Variants in PHIP observed in about 807,000 individuals in gnomAD.
The protein encoded by PHIP is PH-interacting protein.
In PHIP, 54 loss-of-function variants were observed where a neutral mutation model predicts 236.8. The ratio of observed to expected loss-of-function variants is 0.23; its 90% CI spans 0.18 to 0.29. The LOEUF is 0.29. PHIP is among the 10% of genes least tolerant of loss of function. PHIP has a pLI of 1.00. For synonymous variants in PHIP, 756 were observed against 718.9 expected (o/e 1.05, Z -0.83); for missense variants, 1,370 against 2,190.8 (o/e 0.63, Z 7.48).
At chr6:79,071,954 AAAAAG>A (rs1382340101) in intron 4 of PHIP, among the ~76,000 whole-genome samples, 1 of 151,966 alleles carries the variant, frequency 6.6e-6, no homozygotes. Context: ...TATGAAAAAA[AAAAAG>A]AAAACCAAAA....
rs74878380 is a variant in PHIP, at chr6:79,008,797, C to T, written c.1525-4939G>A. Among the ~76,000 whole-genome samples, 1,339 of 152,230 alleles carry T rather than the reference C, an allele frequency of 8.8e-3. 56 individuals carry two copies. The highest frequency in any genetic ancestry group is 0.07 in the Admixed American group (1,067 of 15,268). On this transcript the variant is annotated intron_variant, in intron 15 of 39. Coordinates refer to ENST00000275034, the MANE Select transcript of PHIP (RefSeq NM_017934.7). Reference sequence around the variant, plus strand: ...GGCCATTTCCACATAGGTAGTTCAACGCAATAAACATTATTACAAATGAAC... The same window carrying T: ...GGCCATTTCCACATAGGTAGTTCAATGCAATAAACATTATTACAAATGAAC...
intron 10 of PHIP, 60 bp from the exon 11 acceptor site, chr6:79,017,643 T>A: frequency 8.0e-7 from 1 of 1,248,702 alleles, no homozygotes; most frequent in Admixed American, 1.8e-5. Context: ...CTCTGAAAAT[T>A]AGATAATAAA....
At chr6:78,984,046 A>G (rs1193736021) in intron 22 of PHIP, among the ~76,000 whole-genome samples, 1 of 152,188 alleles carries the variant, frequency 6.6e-6, no homozygotes, top group African/African-American at 2.4e-5. Context: ...TTAATGATAT[A>G]TGACCTCATG....
chr6:79,054,591 T>A (rs1254617566), intron 6 of PHIP, among the ~76,000 whole-genome samples: 1 of 151,518 alleles, frequency 6.6e-6, no homozygotes, highest in Non-Finnish European at 1.5e-5. Context: ...CCATATATTA[T>A]ATCCTATAAT....
chr6:78,959,172 G>C (rs1453500463), intron 31 of PHIP, among the ~76,000 whole-genome samples: 1 of 151,940 alleles, frequency 6.6e-6, no homozygotes, highest in Non-Finnish European at 1.5e-5. Flanking sequence ...AATAAAATCT[G>C]GAGTTTTACA....
intron 6 of PHIP, 143 bp downstream of exon 6, chr6:79,060,335 G>C (rs1487271623): frequency 1.8e-6 from 1 of 544,894 alleles, no homozygotes; most frequent in East Asian, 3.0e-5. Flanking sequence ...CTACTACTAA[G>C]AAAAAAAATC....
intron 10 of PHIP, 63 bp from the exon 11 acceptor site, chr6:79,017,646 A>G (rs2127742470): frequency 8.2e-7 from 1 of 1,220,838 alleles, no homozygotes; most frequent in Non-Finnish European, 1.2e-6. Flanking sequence ...TGAAAATTAG[A>G]TAATAAAATG....
chr6:78,959,571 G>A (rs1489845748), intron 31 of PHIP, among the ~76,000 whole-genome samples: 1 of 152,090 alleles, frequency 6.6e-6, no homozygotes, highest in East Asian at 1.9e-4. Context: ...AGTGAAGGAA[G>A]AAGCAAAAAC....
chr6:79,077,039 C>A (rs563044459), intron 4 of PHIP, among the ~76,000 whole-genome samples: 1 of 152,242 alleles, frequency 6.6e-6, no homozygotes, highest in Admixed American at 6.5e-5. Flanking sequence ...AGGAGAAAGC[C>A]GAGCCGGCCG....
chr6:79,002,216 C>A, intron 16 of PHIP, 92 bp from the exon 17 acceptor site: 2 of 771,022 alleles, frequency 2.6e-6, no homozygotes, highest in East Asian at 5.3e-5. Context: ...AAAGCAAACA[C>A]CTGAATACGA....
At position 78,935,509 on chromosome 6, in the gene PHIP, T is replaced by C; in HGVS notation, c.*5184A>G. ...ATTTATGCAAAGTGTTCCACTGAAATGTATCTCTTACGAAAGTATCTGAAT... is the reference window on the plus strand; with the variant it reads ...ATTTATGCAAAGTGTTCCACTGAAACGTATCTCTTACGAAAGTATCTGAAT... On this transcript the variant is annotated 3_prime_UTR_variant, in exon 40 of 40. Transcript: ENST00000275034. 1.0e-6 allele frequency: 1 copy of C among 979,388 alleles called. No individual in the cohort carries two copies. Among genetic ancestry groups the C allele is most frequent in the Non-Finnish European group, 1.2e-6 (1 of 824,456 alleles). 60.7% of individuals were successfully genotyped at this position (979,388 alleles called of 1,614,324 possible).
intron 19 of PHIP, among the ~76,000 whole-genome samples, chr6:78,996,536 G>T (rs768434603): frequency 2.6e-5 from 4 of 152,028 alleles, no homozygotes; most frequent in Non-Finnish European, 5.9e-5. Flanking sequence ...AAGTAAACAA[G>T]AATCTAACTA....
rs939782148 is a variant in PHIP, at chr6:78,938,283, T to C, written c.*2410A>G. On this transcript the variant is annotated 3_prime_UTR_variant, in exon 40 of 40. Coordinates refer to ENST00000275034, the MANE Select transcript of PHIP (RefSeq NM_017934.7). The stretch of plus-strand genomic sequence containing the variant: ...TAAGGTCATAAATATACAGTGTCTG[T>C]AGAACAGGAATAATACATTTACATG... The C allele has an allele frequency of 6.6e-6, 1 of 151,678 alleles. No homozygotes were observed. Among genetic ancestry groups the C allele is most frequent in the Non-Finnish European group, 1.5e-5 (1 of 67,606 alleles). 9.4% of individuals were successfully genotyped at this position (151,678 alleles called of 1,614,324 possible).
intron 6 of PHIP, among the ~76,000 whole-genome samples, chr6:79,043,952 C>CAG (rs1772348788): frequency 1.3e-5 from 2 of 151,590 alleles, no homozygotes; most frequent in African/African-American, 4.8e-5. Context: ...AGCCAAGGTA[C>CAG]AGAGCCCAGT....
intron 23 of PHIP, among the ~76,000 whole-genome samples, chr6:78,981,640 G>A (rs1183746029): frequency 2.0e-5 from 3 of 151,970 alleles, no homozygotes; most frequent in Non-Finnish European, 4.4e-5. Context: ...CTCTTGGGAT[G>A]AAGGAACTGT....
chr6:79,030,696 G>A (rs1771624356), intron 7 of PHIP, among the ~76,000 whole-genome samples: 1 of 152,156 alleles, frequency 6.6e-6, no homozygotes, highest in Admixed American at 6.5e-5. Context: ...AGAGATCTGG[G>A]TGTTATCAGT....
Position 78,985,438 on chromosome 6 carries a change from G to T in PHIP, c.2461-10C>A. ...CAACTACTTCGCCTTCCTAAGATATGTTGAATACATGTCTTATTGCATAAT... is the reference window on the plus strand; with the variant it reads ...CAACTACTTCGCCTTCCTAAGATATTTTGAATACATGTCTTATTGCATAAT... On this transcript the variant is annotated splice_polypyrimidine_tract_variant and intron_variant, in intron 21 of 39. Coordinates refer to ENST00000275034, the MANE Select transcript of PHIP (RefSeq NM_017934.7). 2.2e-6 allele frequency: 3 copies of T among 1,394,430 alleles called. No homozygotes were observed. The highest frequency in any genetic ancestry group is 3.1e-6 in the Non-Finnish European group (3 of 980,646). 86.4% of individuals were successfully genotyped at this position (1,394,430 alleles called of 1,614,324 possible). A position where few individuals can be genotyped will look rare whatever the true frequency, so the allele number is the denominator to read the frequency against.
intron 6 of PHIP, among the ~76,000 whole-genome samples, chr6:79,056,300 T>C (rs1377129381): frequency 6.6e-6 from 1 of 152,106 alleles, no homozygotes; most frequent in Non-Finnish European, 1.5e-5. Context: ...AAATAAAACA[T>C]GTGAGGAGAC....
At chr6:79,012,195 A>C (rs1770617128) in intron 15 of PHIP, among the ~76,000 whole-genome samples, 1 of 151,684 alleles carries the variant, frequency 6.6e-6, no homozygotes, top group Admixed American at 6.6e-5. Flanking sequence ...CAAAGGTATA[A>C]ATTTCCAATG....
Sources: allele counts gnomAD v4.1 joint callset (sites outside exome capture counted in the v4.1 genomes callset), GRCh38; gene constraint gnomAD v4.1.1; transcripts MANE v1.5; gene names NCBI Gene and HGNC (gene_info 2026-07-23, HGNC 2026-07-21).